Variants in ZFAND5 observed in about 807,000 individuals in gnomAD.
The protein encoded by ZFAND5 is zinc finger AN1-type containing 5, also known as AN1-type zinc finger protein 5.
A neutral mutation model predicts 23.6 loss-of-function variants in ZFAND5; 4 were observed. That is an observed-to-expected ratio of 0.17 (90% CI 0.08 to 0.39). The LOEUF is 0.39. ZFAND5 is among the 10% of genes least tolerant of loss of function. ZFAND5 has a pLI of 1.00. For synonymous variants in ZFAND5, 68 were observed against 80.6 expected (o/e 0.84, Z 0.84); for missense variants, 161 against 253.7 (o/e 0.63, Z 2.48).
chr9:72,364,284 C>T (rs1842194685), intron 1 of ZFAND5: 2 of 626,176 alleles, frequency 3.2e-6, no homozygotes, highest in African/African-American at 2.1e-5. Context: ...CGACCCCCGA[C>T]CCCGAACGGC....
At chr9:72,360,363 A>G (rs1360634599) in intron 3 of ZFAND5, 142 bp from the exon 4 acceptor site, 1 of 868,572 alleles carries the variant, frequency 1.2e-6, no homozygotes, top group Non-Finnish European at 1.8e-6. Flanking sequence ...TTGAGTATCC[A>G]AACAAAAAAT....
chr9:72,360,456 G>C (rs1306918692), intron 3 of ZFAND5, 172 bp downstream of exon 3: 9 of 926,262 alleles, frequency 9.7e-6, no homozygotes, highest in Non-Finnish European at 1.5e-5. Flanking sequence ...GATGCTTGTA[G>C]ATAGTCATTC....
intron 5 of ZFAND5, among the ~76,000 whole-genome samples, chr9:72,357,748 A>AATTTATCTAAATTTATC (rs1841985289): frequency 6.6e-6 from 1 of 152,120 alleles, no homozygotes; most frequent in South Asian, 2.1e-4. Flanking sequence ...CACAGGCAGA[A>AATTTATCTAAATTTATC]CAAGAATCTT....
chr9:72,360,932 T>C (rs1321188064), intron 2 of ZFAND5, 145 bp from the exon 3 acceptor site: 1 of 720,186 alleles, frequency 1.4e-6, no homozygotes, highest in East Asian at 3.2e-5. Context: ...GCAGAGATAA[T>C]TATCAATATT....
chr9:72,360,914 A>C (rs1842077092), intron 2 of ZFAND5, 127 bp from the exon 3 acceptor site: 2 of 821,762 alleles, frequency 2.4e-6, no homozygotes, highest in South Asian at 6.2e-5. Context: ...AATCATTAAA[A>C]AGGGTGGGCA....
At chr9:72,357,150 T>C (rs999427913) in intron 5 of ZFAND5, 94 bp from the exon 6 acceptor site, 19 of 1,435,198 alleles carry the variant, frequency 1.3e-5, no homozygotes, top group African/African-American at 8.6e-5. Flanking sequence ...GGAAGATGCC[T>C]GATAAAAATG....
At chr9:72,357,714 T>C (rs577609096) in intron 5 of ZFAND5, among the ~76,000 whole-genome samples, 14 of 152,228 alleles carry the variant, frequency 9.2e-5, no homozygotes, top group East Asian at 3.9e-4. Context: ...TCGAGAAGTA[T>C]TGATTTTAAA....
intron 3 of ZFAND5, 106 bp downstream of exon 3, chr9:72,360,522 T>C: frequency 1.4e-6 from 2 of 1,464,458 alleles, no homozygotes; most frequent in Non-Finnish European, 1.9e-6. Context: ...CAAGCTCTTA[T>C]CAGGTGTTCT....
At position 72,355,995 on chromosome 9, in the gene ZFAND5, T is replaced by C. The variant is rs563757807; in HGVS notation, c.600A>G (p.Lys200=). ...TTTCAGCCACAACAACTGGATTCTC[T>C]TTTCTGATTTTTGCTGCAGCTTCTG... ...YKAEAAAKIR[K]ENPVVVAEKI... is the part of the protein sequence containing the mutation. The change falls in exon 7 of 7, where the codon AAA becomes AAG. Residue 200 remains lysine, a synonymous_variant. Coordinates refer to ENST00000376962, the MANE Select transcript of ZFAND5 (RefSeq NM_001102420.3). 2 of 1,613,098 alleles carry C rather than the reference T, an allele frequency of 1.2e-6. No homozygotes were observed. The highest frequency in any genetic ancestry group is 2.7e-5 in the African/African-American group (2 of 75,002).
intron 5 of ZFAND5, among the ~76,000 whole-genome samples, chr9:72,357,350 A>G (rs1440582496): frequency 2.0e-5 from 3 of 152,132 alleles, no homozygotes. Context: ...ACAAAATCCT[A>G]ATTCTGTTTT....
At chr9:72,357,164 A>G (rs527356955) in intron 5 of ZFAND5, 108 bp from the exon 6 acceptor site, 185 of 1,322,300 alleles carry the variant, frequency 1.4e-4, no homozygotes, top group Middle Eastern at 5.9e-4. Context: ...AAAAATGTTT[A>G]TAAGTATTCC....
intron 1 of ZFAND5, 121 bp downstream of exon 1, chr9:72,364,575 C>T (rs1228246463): frequency 8.0e-7 from 1 of 1,253,672 alleles, no homozygotes; most frequent in Non-Finnish European, 1.0e-6. Context: ...CTCCCCCGGA[C>T]GCCGCCATCC....
Position 72,354,618 on chromosome 9 carries a change from T to C in ZFAND5, c.*1335A>G, listed in dbSNP as rs1841881861. 6.6e-6 allele frequency: 1 copy of C among 152,618 alleles called. No homozygotes were observed. The highest frequency in any genetic ancestry group is 2.4e-5 in the African/African-American group (1 of 41,448). 9.5% of individuals were successfully genotyped at this position (152,618 alleles called of 1,614,324 possible). A position where few individuals can be genotyped will look rare whatever the true frequency, so the allele number is the denominator to read the frequency against. On this transcript the variant is annotated 3_prime_UTR_variant, in exon 7 of 7. Transcript: ENST00000376962. ...AAATTGAAAGCAAAACTGAATGCTT[T>C]AAGAATAAAAGTAAAAACTAGGACT... is the stretch of plus-strand genomic sequence containing the variant.
chr9:72,358,032 T>C (rs1018493194), intron 5 of ZFAND5, among the ~76,000 whole-genome samples: 1 of 152,070 alleles, frequency 6.6e-6, no homozygotes, highest in African/African-American at 2.4e-5. Flanking sequence ...CAATAGCAAA[T>C]TTATGTATGC....
At position 72,354,373 on chromosome 9, in the gene ZFAND5, T is replaced by TTA. The variant is rs1349093645; in HGVS notation, c.*1578_*1579dup. ...TTCAGCGATGGCAAAGGAAAAAAAA[T>TTA]TATATAGCCATGTAAAGTAACATTT... is the stretch of plus-strand genomic sequence containing the variant. On this transcript the variant is annotated 3_prime_UTR_variant, in exon 7 of 7. Coordinates refer to ENST00000376962, the MANE Select transcript of ZFAND5 (RefSeq NM_001102420.3). The TTA allele has an allele frequency of 6.6e-6, 1 of 152,548 alleles. No individual in the cohort carries two copies. The highest frequency in any genetic ancestry group is 2.1e-4 in the South Asian group (1 of 4,830). 9.4% of individuals were successfully genotyped at this position (152,548 alleles called of 1,614,324 possible). A position where few individuals can be genotyped will look rare whatever the true frequency, so the allele number is the denominator to read the frequency against.
chr9:72,359,443 G>C lies in ZFAND5; in HGVS notation c.342C>G (p.Thr114=). 6.2e-7 allele frequency: 1 copy of C among 1,613,182 alleles called. No individual in the cohort carries two copies. Among genetic ancestry groups the C allele is most frequent in the Non-Finnish European group, 8.5e-7 (1 of 1,179,534 alleles). ...MSISREDKIT[T]PKTEVSEPVV... ...CTGGCTCTGACACCTCTGTTTTCGGGGTAGTTATTTTGTCCTCTCTTGAAA... is the reference window on the plus strand; with the variant it reads ...CTGGCTCTGACACCTCTGTTTTCGGCGTAGTTATTTTGTCCTCTCTTGAAA... The change falls in exon 5 of 7, where the codon ACC becomes ACG. Residue 114 remains threonine, a synonymous_variant. Transcript: ENST00000376962.
chr9:72,361,839 A>C (rs1400881274), intron 2 of ZFAND5, among the ~76,000 whole-genome samples: 2 of 152,262 alleles, frequency 1.3e-5, no homozygotes, highest in Non-Finnish European at 2.9e-5. Flanking sequence ...ATGTATAAGC[A>C]TATGTACAAA....
intron 2 of ZFAND5, 126 bp from the exon 3 acceptor site, chr9:72,360,913 A>G: frequency 2.4e-6 from 2 of 835,720 alleles, no homozygotes; most frequent in Non-Finnish European, 3.4e-6. Flanking sequence ...TAATCATTAA[A>G]AAGGGTGGGC....
chr9:72,360,884 A>G, intron 2 of ZFAND5, 97 bp from the exon 3 acceptor site: 7 of 1,107,508 alleles, frequency 6.3e-6, no homozygotes, highest in Non-Finnish European at 8.6e-6. Flanking sequence ...GCAAGTTTTA[A>G]CAAAAGCCCA....
Sources: allele counts gnomAD v4.1 joint callset (sites outside exome capture counted in the v4.1 genomes callset), GRCh38; gene constraint gnomAD v4.1.1; transcripts MANE v1.5; gene names NCBI Gene and HGNC (gene_info 2026-07-23, HGNC 2026-07-21).